GRAMD4: variants seen among roughly 807,000 people sequenced by gnomAD.
GRAMD4 encodes GRAM domain-containing protein 4.
In GRAMD4, 25 loss-of-function variants were observed where a neutral mutation model predicts 83.9. The observed-to-expected ratio is 0.30, with a 90% CI of 0.22 to 0.42. GRAMD4 has a LOEUF of 0.42. Ranked by LOEUF, GRAMD4 falls within the 10% of genes least tolerant of loss-of-function variation. GRAMD4 has a pLI of 1.00. For synonymous variants in GRAMD4, 336 were observed against 320.9 expected, an observed-to-expected ratio of 1.05 and a Z score of -0.50; for missense variants, 593 against 788.7, an observed-to-expected ratio of 0.75 and a Z score of 2.97.
chr22:46,625,123 G>C (rs1204859762), intron 1 of GRAMD4, among the ~76,000 whole-genome samples: 1 of 152,168 alleles, frequency 6.6e-6, no homozygotes, highest in South Asian at 2.1e-4. Context: ...GCCTCCCAAA[G>C]TGCTGGAATT....
intron 5 of GRAMD4, 131 bp from the exon 6 acceptor site, chr22:46,662,909 C>A (rs772185590): frequency 1.3e-6 from 1 of 766,260 alleles, no homozygotes; most frequent in Non-Finnish European, 2.1e-6. Context: ...GACCTACCCC[C>A]GAGCATTCCT....
intron 1 of GRAMD4, among the ~76,000 whole-genome samples, chr22:46,593,715 A>G (rs1332764691): frequency 6.6e-6 from 1 of 151,584 alleles, no homozygotes; most frequent in African/African-American, 2.4e-5. Flanking sequence ...TCTTTTGTCT[A>G]TTTTCATTAT....
At chr22:46,680,605 T>C (rs1269766369), downstream of GRAMD4, among the ~76,000 whole-genome samples, 18 of 70,530 alleles carry the variant, frequency 2.6e-4, no homozygotes, top group South Asian at 4.8e-4. Context: ...CACCCACCCA[T>C]TCATCCATCC....
intron 1 of GRAMD4, among the ~76,000 whole-genome samples, chr22:46,578,594 G>A (rs1231892516): frequency 6.6e-6 from 1 of 152,228 alleles, no homozygotes; most frequent in Non-Finnish European, 1.5e-5. Context: ...TCTGAAGTCT[G>A]TCTTCCTGAC....
intron 1 of GRAMD4, among the ~76,000 whole-genome samples, chr22:46,594,306 GC>G (rs1353238854): frequency 7.3e-6 from 1 of 137,418 alleles, no homozygotes; most frequent in Non-Finnish European, 1.6e-5. Context: ...TGCCTGGTGG[GC>G]CCCTCCTCCC....
chr22:46,677,949 G>A lies in GRAMD4; in HGVS notation c.*698G>A. 1 of 985,266 alleles carries A rather than the reference G, an allele frequency of 1.0e-6. No individual in the cohort carries two copies. Among genetic ancestry groups the A allele is most frequent in the Non-Finnish European group, 1.2e-6 (1 of 829,712 alleles). 61.0% of individuals were successfully genotyped at this position (985,266 alleles called of 1,614,324 possible). On this transcript the variant is annotated 3_prime_UTR_variant, in exon 19 of 19. Transcript: ENST00000406902. Reference sequence around the variant, plus strand: ...GTGGCACCTTCCTTGCTGGCCTCCAGGGCGCTCAGCACCGCGTCTGTAAGG... The same window carrying A: ...GTGGCACCTTCCTTGCTGGCCTCCAAGGCGCTCAGCACCGCGTCTGTAAGG...
At chr22:46,681,166 C>A (rs1364720161), downstream of GRAMD4, among the ~76,000 whole-genome samples, 1 of 149,810 alleles carries the variant, frequency 6.7e-6, no homozygotes, top group Non-Finnish European at 1.5e-5. Context: ...CCACACTGAC[C>A]CCTCCACACA....
At chr22:46,654,252 G>C (rs1175498690) in intron 3 of GRAMD4, among the ~76,000 whole-genome samples, 2 of 152,180 alleles carry the variant, frequency 1.3e-5, no homozygotes, top group Non-Finnish European at 2.9e-5. Context: ...TGACCCCTCG[G>C]AGGAAGGGTC....
At chr22:46,643,160 C>CATCCATGCATGCATCT (rs1569283873) in intron 3 of GRAMD4, among the ~76,000 whole-genome samples, 1 of 151,126 alleles carries the variant, frequency 6.6e-6, no homozygotes, top group Admixed American at 6.6e-5. Context: ...TCCATCCATC[C>CATCCATGCATGCATCT]ATCCATCCAT....
In GRAMD4 at chr22:46,605,951, T is replaced by TCTGGCTGGTGCTG. The variant is rs1453125653; in HGVS notation, c.-49-20800_-49-20799insCTGGCTGGTGCTG. 2.6e-3 allele frequency among the ~76,000 whole-genome samples: 368 copies of TCTGGCTGGTGCTG among 141,544 alleles called. 8 individuals carry two copies. The highest frequency in any genetic ancestry group is 9.5e-3 in the African/African-American group (360 of 37,982). The allele number at this position is 141,544 out of a possible 152,430, so 92.9% of individuals were successfully genotyped here. ...GGTGCTGAGCATGTCTGCATGGGCT[T>TCTGGCTGGTGCTG]ATGGCTGGTGCTGAGCATCTCTGCA... On this transcript the variant is annotated intron_variant, in intron 1 of 1. Transcript: ENST00000431155.
chr22:46,668,153 G>A lies in GRAMD4; in HGVS notation c.916G>A (p.Ala306Thr), dbSNP rs113662863. 8 of 1,611,048 alleles carry A rather than the reference G, an allele frequency of 5.0e-6. No homozygotes were observed. The highest frequency in any genetic ancestry group is 1.3e-5 in the African/African-American group (1 of 74,870). ...GAAGTTCCAGCTGGTGCTGGACGTC[G>A]CCCAGAAAGCCCAGGTACTGCCACG... Reference protein sequence around the residue: ...SEKFQLVLDVAQKAQNLFGKM... With the variant: ...SEKFQLVLDVTQKAQNLFGKM... Residue 306 changes from alanine (A) to threonine (T), a missense_variant, in exon 11 of 19, where the codon GCC becomes ACC. Physicochemically the swap from Ala to Thr is moderately conservative, Grantham distance 58. Transcript: ENST00000406902.
chr22:46,616,152 G>A (rs2081488122), upstream of GRAMD4, among the ~76,000 whole-genome samples: 1 of 131,338 alleles, frequency 7.6e-6, no homozygotes, highest in Non-Finnish European at 1.6e-5. Context: ...AGGTTCCCCT[G>A]TGTGTGTAGG....
At chr22:46,667,023 G>A (rs1369168979) in intron 10 of GRAMD4, 150 bp downstream of exon 10, 1 of 541,994 alleles carries the variant, frequency 1.8e-6, no homozygotes, top group African/African-American at 2.0e-5. Context: ...AGGGGAGGAG[G>A]AGGCCAGCCC....
chr22:46,628,007 G>A lies in GRAMD4; in HGVS notation c.162+1046G>A, dbSNP rs574029255. On this transcript the variant is annotated intron_variant, in intron 2 of 18. Coordinates refer to ENST00000406902, the MANE Select transcript of GRAMD4 (RefSeq NM_015124.5). ...CCTTGTGCAGGTTATGTGGCAGAAC[G>A]GCAGGGGCCTGCCTTCGCCGGAGAG... Among the ~76,000 whole-genome samples, 8 of 152,360 alleles carry A rather than the reference G, an allele frequency of 5.3e-5. No individual in the cohort carries two copies. In the East Asian group the frequency reaches 7.7e-4, roughly 15 times the overall value.
chr22:46,591,092 A>G (rs535326871), intron 1 of GRAMD4, among the ~76,000 whole-genome samples: 1 of 152,304 alleles, frequency 6.6e-6, no homozygotes, highest in Non-Finnish European at 1.5e-5. Context: ...AACAAACCCA[A>G]AAAACAGCCA....
intron 3 of GRAMD4, among the ~76,000 whole-genome samples, chr22:46,653,068 AGC>A (rs2082190536): frequency 6.6e-6 from 1 of 152,246 alleles, no homozygotes; most frequent in South Asian, 2.1e-4. Context: ...ATGGGAGAGC[AGC>A]GGTCAGACGC....
chr22:46,587,682 C>G (rs1254005715), intron 1 of GRAMD4, among the ~76,000 whole-genome samples: 1 of 151,990 alleles, frequency 6.6e-6, no homozygotes, highest in East Asian at 1.9e-4. Context: ...GAAGCCTAGG[C>G]AGGCACACTC....
At chr22:46,611,748 T>G (rs1463447936) in intron 1 of GRAMD4, among the ~76,000 whole-genome samples, 2 of 151,332 alleles carry the variant, frequency 1.3e-5, no homozygotes, top group Non-Finnish European at 2.9e-5. Context: ...CCTAGCAGTT[T>G]GGGAGGCCGA....
chr22:46,661,331 G>A, intron 4 of GRAMD4, 50 bp from the exon 5 acceptor site: 1 of 1,471,628 alleles, frequency 6.8e-7, no homozygotes, highest in Non-Finnish European at 9.5e-7. Context: ...GACTGGGCAT[G>A]GAGTTTGGAA....
Sources: gnomAD v4.1 joint callset for allele counts (sites outside exome capture counted in the v4.1 genomes callset) on GRCh38, gnomAD v4.1.1 for gene constraint, MANE v1.5 for transcripts, NCBI Gene and HGNC (gene_info 2026-07-23, HGNC 2026-07-21) for gene names.